PAX7: variants seen among roughly 807,000 people sequenced by gnomAD.
PAX7 encodes paired box protein Pax-7.
In PAX7, 18 loss-of-function variants were observed where a neutral mutation model predicts 50.7. The observed-to-expected ratio is 0.36, with a 90% CI of 0.25 to 0.53. The LOEUF is 0.53. Among genes scored for constraint, PAX7 ranks in the 20% least tolerant of loss-of-function variants. The pLI is 0.93. For missense variants in PAX7, 644 were observed against 702.9 expected, an observed-to-expected ratio of 0.92 and a Z score of 0.95; for synonymous variants, 310 against 290.4, an observed-to-expected ratio of 1.07 and a Z score of -0.69.
chr1:18,720,538 G>C (rs1037170806), intron 7 of PAX7, among the ~76,000 whole-genome samples: 1 of 152,134 alleles, frequency 6.6e-6, no homozygotes, highest in Non-Finnish European at 1.5e-5. Context: ...CAGACAGACA[G>C]ACCCAGAGAG....
rs1415299989 is a variant in PAX7, at chr1:18,700,496, C to T, written c.787-157C>T. ...GAATGGGGTCATACCTATGAAATCA[C>T]TCTGCAAAGCGTCCTGTGCTGCACA... On this transcript the variant is annotated intron_variant, in intron 5 of 8. Transcript: ENST00000420770. This position sits in a 1 kb window ranked among gnomAD's most constrained non-coding sequence, Gnocchi z 4.8. Among the ~76,000 whole-genome samples, 1 of 152,176 alleles carries T rather than the reference C, an allele frequency of 6.6e-6. No homozygotes were observed. Among genetic ancestry groups the T allele is most frequent in the Admixed American group, 6.5e-5 (1 of 15,272 alleles).
intron 7 of PAX7, among the ~76,000 whole-genome samples, chr1:18,731,965 C>T (rs1035967577): frequency 6.6e-5 from 10 of 152,190 alleles, no homozygotes; most frequent in Non-Finnish European, 1.3e-4. Context: ...TACTCTCCGC[C>T]TTCACCTTCT....
At chr1:18,705,241 T>C (rs2089269116) in intron 7 of PAX7, among the ~76,000 whole-genome samples, 1 of 152,152 alleles carries the variant, frequency 6.6e-6, no homozygotes, top group Non-Finnish European at 1.5e-5. Context: ...AGGTTCAAGG[T>C]CATGGCCTCC....
rs1346886471 is a variant in PAX7, at chr1:18,631,250, G to T, written c.-354G>T. On this transcript the variant is annotated 5_prime_UTR_variant, in exon 1 of 9. Coordinates refer to ENST00000420770, the MANE Select transcript of PAX7 (RefSeq NM_001135254.2). ...CGTTCCCCCGGCCCCCCTCCGCCGC[G>T]GGGCCTGGTCTCCGGGTTCTGCCAG... 8.0e-6 allele frequency: 2 copies of T among 250,596 alleles called. No individual in the cohort carries two copies. Among genetic ancestry groups the T allele is most frequent in the Non-Finnish European group, 1.5e-5 (2 of 130,164 alleles). The allele number at this position is 250,596 out of a possible 1,614,324, so 15.5% of individuals were successfully genotyped here. A position where few individuals can be genotyped will look rare whatever the true frequency, so the allele number is the denominator to read the frequency against.
intron 4 of PAX7, among the ~76,000 whole-genome samples, chr1:18,663,988 C>T (rs1041697786): frequency 2.0e-5 from 3 of 152,356 alleles, no homozygotes; most frequent in Non-Finnish European, 4.4e-5. Flanking sequence ...AGAAAGCCCC[C>T]ACCCCACCCA....
intron 4 of PAX7, among the ~76,000 whole-genome samples, chr1:18,659,343 G>A (rs1478017974): frequency 2.0e-5 from 3 of 152,156 alleles, no homozygotes; most frequent in Non-Finnish European, 4.4e-5. Flanking sequence ...AAAGGGGAGG[G>A]GGCAGCCAGG....
At chr1:18,670,078 A>G (rs1365234199) in intron 4 of PAX7, among the ~76,000 whole-genome samples, 1 of 99,526 alleles carries the variant, frequency 1.0e-5, no homozygotes, top group African/African-American at 5.4e-5. Flanking sequence ...GTGAGACTCC[A>G]TCTCAAAAAA....
chr1:18,705,204 C>T (rs2089268793), intron 7 of PAX7, among the ~76,000 whole-genome samples: 2 of 152,208 alleles, frequency 1.3e-5, no homozygotes, highest in South Asian at 4.1e-4. Context: ...AGAATGTCTT[C>T]CCTGGGGACC....
At position 18,700,955 on chromosome 1, in the gene PAX7, G is replaced by T. The variant is rs951571841; in HGVS notation, c.952+137G>T. 6.8e-6 allele frequency: 6 copies of T among 878,878 alleles called. No individual in the cohort carries two copies. Among genetic ancestry groups the T allele is most frequent in the African/African-American group, 1.8e-5 (1 of 56,268 alleles). 54.4% of individuals were successfully genotyped at this position (878,878 alleles called of 1,614,324 possible). A position where few individuals can be genotyped will look rare whatever the true frequency, so the allele number is the denominator to read the frequency against. On this transcript the variant is annotated intron_variant, in intron 6 of 8. Coordinates refer to ENST00000420770, the MANE Select transcript of PAX7 (RefSeq NM_001135254.2). This position sits in a 1 kb window ranked among gnomAD's most constrained non-coding sequence, Gnocchi z 4.8. ...AGCAGGCTATTGAGAGCAAAAAGATGCAATCCTGCCCTTGAAATTCTTGGC... is the reference window on the plus strand; with the variant it reads ...AGCAGGCTATTGAGAGCAAAAAGATTCAATCCTGCCCTTGAAATTCTTGGC...
chr1:18,631,709 C>T (rs757429283), intron 1 of PAX7, 21 bp downstream of exon 1: 13 of 1,589,544 alleles, frequency 8.2e-6, no homozygotes, highest in Non-Finnish European at 1.1e-5. Flanking sequence ...CCAGGCTGGC[C>T]TCGCCGCGAC....
chr1:18,654,826 C>A (rs2088488187), intron 4 of PAX7, among the ~76,000 whole-genome samples: 1 of 152,202 alleles, frequency 6.6e-6, no homozygotes, highest in Non-Finnish European at 1.5e-5. Context: ...GGAACTGAGG[C>A]TCAGTGAGGT....
rs1034079316 is a variant in PAX7 at position 18,672,596 on chromosome 1, G to GTTTTT, written c.587-19141_587-19137dup. Among the ~76,000 whole-genome samples the GTTTTT allele has an allele frequency of 5.6e-4, 71 of 125,812 alleles. 2 individuals are homozygous for GTTTTT. The highest frequency in any genetic ancestry group is 2.1e-3 in the East Asian group (8 of 3,750). The allele number at this position is 125,812 out of a possible 152,430, so 82.5% of individuals were successfully genotyped here. On this transcript the variant is annotated intron_variant, in intron 4 of 8. Transcript: ENST00000420770. ...GCGGCCCTAGACTGGAGAGCACTGTGTTTTTTTTTTTTTTTTTTTTTGTGA... is the reference window on the plus strand; with the variant it reads ...GCGGCCCTAGACTGGAGAGCACTGTGTTTTTTTTTTTTTTTTTTTTTTTTTTGTGA...
chr1:18,731,594 T>TTCTC (rs2089647896), intron 7 of PAX7, among the ~76,000 whole-genome samples: 1 of 151,984 alleles, frequency 6.6e-6, no homozygotes, highest in African/African-American at 2.4e-5. Context: ...TCAGTGAGTG[T>TTCTC]TCTCCCCTCC....
At chr1:18,727,152 T>G (rs2089582098) in intron 7 of PAX7, among the ~76,000 whole-genome samples, 1 of 151,998 alleles carries the variant, frequency 6.6e-6, no homozygotes, top group African/African-American at 2.4e-5. Context: ...ACACACAGAT[T>G]CTACACATGC....
intron 7 of PAX7, among the ~76,000 whole-genome samples, chr1:18,718,114 C>T (rs1051309674): frequency 2.6e-5 from 4 of 152,194 alleles, no homozygotes; most frequent in Admixed American, 2.6e-4. Flanking sequence ...CCTGAACCTC[C>T]ATGGGGGTGT....
intron 1 of PAX7, among the ~76,000 whole-genome samples, chr1:18,633,468 G>C (rs938776463): frequency 6.6e-6 from 1 of 152,236 alleles, no homozygotes; most frequent in African/African-American, 2.4e-5. Context: ...CACCCGGGGG[G>C]ACTGTGTCCC....
intron 4 of PAX7, among the ~76,000 whole-genome samples, chr1:18,645,770 C>A (rs2088328856): frequency 6.6e-6 from 1 of 152,188 alleles, no homozygotes; most frequent in Non-Finnish European, 1.5e-5. Context: ...ACCTGGGCTG[C>A]AGACTTGGGA....
chr1:18,657,265 G>C (rs1570132025), intron 4 of PAX7, among the ~76,000 whole-genome samples: 1 of 152,006 alleles, frequency 6.6e-6, no homozygotes, highest in South Asian at 2.1e-4. Flanking sequence ...TGGGCTCCCA[G>C]GAGAGGGGCT....
chr1:18,722,619 G>T (rs2089509002), intron 7 of PAX7, among the ~76,000 whole-genome samples: 1 of 152,176 alleles, frequency 6.6e-6, no homozygotes, highest in South Asian at 2.1e-4. Context: ...TCCCTGCCCT[G>T]TGTGGGTGAG....
Sources: allele counts gnomAD v4.1 joint callset (sites outside exome capture counted in the v4.1 genomes callset), GRCh38; gene constraint gnomAD v4.1.1; non-coding constraint Gnocchi (gnomAD v3.1); transcripts MANE v1.5; gene names NCBI Gene and HGNC (gene_info 2026-07-23, HGNC 2026-07-21).